The following FSTL4 variants were observed in gnomAD, a reference collection of about 807,000 sequenced individuals.
FSTL4 encodes the protein follistatin like 4.
FSTL4 carries 28 observed loss-of-function variants against 78.2 expected under a neutral mutation model. The observed-to-expected ratio is 0.36, with a 90% CI of 0.27 to 0.49. FSTL4 has a LOEUF of 0.49. Among genes scored for constraint, FSTL4 ranks in the 20% least tolerant of loss-of-function variants. The probability of loss-of-function intolerance (pLI) is 0.98; values close to 1 mark genes in which losing one functional copy is unlikely to be tolerated. For missense variants in FSTL4, 922 were observed against 1,084.9 expected (o/e 0.85, Z 2.11); for synonymous variants, 422 against 440.5 (o/e 0.96, Z 0.53).
At chr5:133,250,962 A>G (rs868348653) in intron 6 of FSTL4, among the ~76,000 whole-genome samples, 3 of 152,230 alleles carry the variant, frequency 2.0e-5, no homozygotes, top group African/African-American at 2.4e-5. Flanking sequence ...ACAATCACAC[A>G]CAGGAAAAAT....
the FSTL4 span, among the ~76,000 whole-genome samples, chr5:133,794,249 A>G: frequency 6.6e-6 from 1 of 152,250 alleles, no homozygotes. Flanking sequence ...GCTTTGGGTC[A>G]GAAATGCCAG....
chr5:133,569,383 C>T (rs979409078), intron 2 of FSTL4, among the ~76,000 whole-genome samples: 2 of 152,236 alleles, frequency 1.3e-5, no homozygotes, highest in African/African-American at 4.8e-5. Flanking sequence ...AAGTGACAGG[C>T]TGGCTTTTAG....
the FSTL4 span, among the ~76,000 whole-genome samples, chr5:133,718,281 A>G: frequency 6.6e-6 from 1 of 151,986 alleles, no homozygotes; most frequent in Admixed American, 6.6e-5. Context: ...AGGTTTCACT[A>G]TGTTGGCCAG....
At chr5:133,482,761 G>A (rs967293982) in intron 3 of FSTL4, among the ~76,000 whole-genome samples, 3 of 152,156 alleles carry the variant, frequency 2.0e-5, no homozygotes, top group Admixed American at 1.3e-4. Flanking sequence ...GGGAGGGCAG[G>A]GGCTCTGAGA....
intron 3 of FSTL4, among the ~76,000 whole-genome samples, chr5:133,406,243 G>T: frequency 6.6e-6 from 1 of 152,208 alleles, no homozygotes; most frequent in Non-Finnish European, 1.5e-5. Flanking sequence ...CCTGGAACCT[G>T]GCATGCAGGG....
chr5:133,367,749 A>T (rs1755208615), intron 4 of FSTL4, among the ~76,000 whole-genome samples: 1 of 152,218 alleles, frequency 6.6e-6, no homozygotes, highest in Non-Finnish European at 1.5e-5. Flanking sequence ...AGGAGTTGGA[A>T]ACAAAGATCA....
At position 133,345,895 on chromosome 5, in the gene FSTL4, T is replaced by C. The variant is rs140734900; in HGVS notation, c.410-29243A>G. ...CCCAGCAATCCCATTACTGGGTATA[T>C]ACCCAAAGGACTATAAATCCTATTC... is the stretch of plus-strand genomic sequence containing the variant. On this transcript the variant is annotated intron_variant, in intron 4 of 15. Coordinates refer to ENST00000265342, the MANE Select transcript of FSTL4 (RefSeq NM_015082.2). 4.8e-3 allele frequency among the ~76,000 whole-genome samples: 732 copies of C among 152,350 alleles called. 10 individuals are homozygous for C. The highest frequency in any genetic ancestry group is 0.016 in the African/African-American group (682 of 41,580).
rs138151033 is a variant in FSTL4, at chr5:133,506,664, A to T, written c.160+60522T>A. 8.6e-3 allele frequency among the ~76,000 whole-genome samples: 1,315 copies of T among 152,352 alleles called. 19 individuals are homozygous for T. Among genetic ancestry groups the T allele is most frequent in the African/African-American group, 0.03 (1,245 of 41,592 alleles). Reference sequence around the variant, plus strand: ...CAGCATTGTTATGAGAGCAGATGTGACACAAAGTATTTCATGAATTTGAGG... The same window carrying T: ...CAGCATTGTTATGAGAGCAGATGTGTCACAAAGTATTTCATGAATTTGAGG... On this transcript the variant is annotated intron_variant, in intron 3 of 15. Coordinates refer to ENST00000265342, the MANE Select transcript of FSTL4 (RefSeq NM_015082.2).
the FSTL4 span, among the ~76,000 whole-genome samples, chr5:133,621,496 C>G: frequency 6.6e-6 from 1 of 152,130 alleles, no homozygotes; most frequent in Non-Finnish European, 1.5e-5. Context: ...TGAAGTAACT[C>G]AGGAATGGAA....
intron 4 of FSTL4, among the ~76,000 whole-genome samples, chr5:133,352,846 ATTCACTG>A (rs1437429993): frequency 2.0e-5 from 3 of 152,196 alleles, no homozygotes; most frequent in Non-Finnish European, 4.4e-5. Flanking sequence ...AAAAAATCCA[ATTCACTG>A]TTAATGGGCA....
intron 3 of FSTL4, among the ~76,000 whole-genome samples, chr5:133,520,002 A>AT (rs1227835161): frequency 6.6e-6 from 1 of 152,236 alleles, no homozygotes; most frequent in Non-Finnish European, 1.5e-5. Flanking sequence ...GAGTAACAAC[A>AT]TAAAACAGAT....
chr5:133,433,810 A>C (rs1333220741), intron 3 of FSTL4, among the ~76,000 whole-genome samples: 1 of 152,166 alleles, frequency 6.6e-6, no homozygotes, highest in Non-Finnish European at 1.5e-5. Context: ...GGCAGAGGGA[A>C]GAGCTGGTGT....
intron 3 of FSTL4, among the ~76,000 whole-genome samples, chr5:133,468,856 TACGTTAC>T (rs1424730283): frequency 6.6e-6 from 1 of 152,108 alleles, no homozygotes; most frequent in Non-Finnish European, 1.5e-5. Flanking sequence ...GAATGACCTA[TACGTTAC>T]ACAATAACAC....
At chr5:133,542,118 A>G (rs1282268033) in intron 3 of FSTL4, among the ~76,000 whole-genome samples, 2 of 152,210 alleles carry the variant, frequency 1.3e-5, no homozygotes, top group African/African-American at 4.8e-5. Flanking sequence ...TGGTTTAAAA[A>G]AAATGGTGTT....
At position 133,217,359 on chromosome 5, in the gene FSTL4, C is replaced by T; in HGVS notation, c.1478G>A (p.Arg493Lys). 6.2e-7 allele frequency: 1 copy of T among 1,614,098 alleles called. No individual in the cohort carries two copies. Residue 493 changes from arginine (R) to lysine (K), a missense_variant, in exon 13 of 16, where the codon AGA becomes AAA. Arg to Lys is a conservative substitution (Grantham distance 26). Coordinates refer to ENST00000265342, the MANE Select transcript of FSTL4 (RefSeq NM_015082.2). ...FMSYEEICPQ[R>K]EKNATQPCQW... ...GCAGGGCTGGGTTGCATTTTTTTCTCTTTGAGGACAGATTTCTTCCTGCAA... is the reference window on the plus strand; with the variant it reads ...GCAGGGCTGGGTTGCATTTTTTTCTTTTTGAGGACAGATTTCTTCCTGCAA...
chr5:133,435,769 T>A (rs1757022370), intron 3 of FSTL4, among the ~76,000 whole-genome samples: 1 of 152,232 alleles, frequency 6.6e-6, no homozygotes, highest in African/African-American at 2.4e-5. Flanking sequence ...TGTTATTTGG[T>A]ACATAAAGCT....
intron 6 of FSTL4, among the ~76,000 whole-genome samples, chr5:133,287,200 A>G (rs762823424): frequency 6.6e-6 from 1 of 152,046 alleles, no homozygotes; most frequent in Non-Finnish European, 1.5e-5. Flanking sequence ...CATCCTGGCT[A>G]ACATGGTGAA....
chr5:133,827,141 T>A, the FSTL4 span, among the ~76,000 whole-genome samples: 1 of 152,230 alleles, frequency 6.6e-6, no homozygotes, highest in Non-Finnish European at 1.5e-5. Flanking sequence ...TACCGCATCA[T>A]CCTCGGCTCT....
At chr5:133,690,273 G>A in the FSTL4 span, among the ~76,000 whole-genome samples, 5 of 151,980 alleles carry the variant, frequency 3.3e-5, no homozygotes, top group Non-Finnish European at 5.9e-5. Context: ...CCTCCAAAAG[G>A]GCTATCTGCC....
Sources: allele counts gnomAD v4.1 joint callset (sites outside exome capture counted in the v4.1 genomes callset), GRCh38; gene constraint gnomAD v4.1.1; transcripts MANE v1.5; gene names NCBI Gene and HGNC (gene_info 2026-07-23, HGNC 2026-07-21).